Variants in MBTPS1 observed in about 807,000 individuals in gnomAD.
MBTPS1 encodes the protein membrane-bound transcription factor site-1 protease.
Under a neutral mutation model 127.8 loss-of-function variants are expected in MBTPS1, and 94 were observed. That is an observed-to-expected ratio of 0.74 (90% confidence interval 0.62 to 0.87). The LOEUF (loss-of-function observed/expected upper bound fraction) is 0.87. MBTPS1 is among the 40% of genes least tolerant of loss of function. The pLI, the probability that MBTPS1 is intolerant of heterozygous loss-of-function variation, is 0.00. For missense variants in MBTPS1, 1,636 were observed against 1,353.2 expected (o/e 1.21, Z -3.28); for synonymous variants, 632 against 509.4 (o/e 1.24, Z -3.24).
intron 4 of MBTPS1, among the ~76,000 whole-genome samples, chr16:84,095,390 T>A (rs1305804693): frequency 6.6e-6 from 1 of 152,240 alleles, no homozygotes; most frequent in Non-Finnish European, 1.5e-5. Context: ...CAGAAACAGA[T>A]GCCTGGCATC....
intron 12 of MBTPS1, among the ~76,000 whole-genome samples, chr16:84,074,084 G>A (rs545670483): frequency 3.9e-5 from 6 of 152,280 alleles, no homozygotes; most frequent in African/African-American, 1.2e-4. Flanking sequence ...AAAATCAAAT[G>A]TAATTAGCTG....
Position 84,085,109 on chromosome 16 carries a change from A to G in MBTPS1, c.1160T>C (p.Met387Thr), listed in dbSNP as rs752390692. The change falls in exon 10 of 23, where the codon ATG becomes ACG. Residue 387 changes from methionine (M) to threonine (T), a missense_variant. By Grantham distance (81) the Met-to-Thr change is moderately conservative. Transcript: ENST00000343411. ...TWELPGGYGR[M>T]KPDIVTYGAG... Reference sequence around the variant, plus strand: ...ACCATAGGTGACAATGTCAGGTTTCATGCGACCGTAGCCTCCTGGTAGCTC... The same window carrying G: ...ACCATAGGTGACAATGTCAGGTTTCGTGCGACCGTAGCCTCCTGGTAGCTC... 1.2e-6 allele frequency: 2 copies of G among 1,614,242 alleles called. No homozygotes were observed. Among genetic ancestry groups the G allele is most frequent in the South Asian group, 1.1e-5 (1 of 91,078 alleles).
At chr16:84,098,339 A>G (rs11860722) in intron 3 of MBTPS1, among the ~76,000 whole-genome samples, 43,838 of 152,128 alleles carry the variant, frequency 0.29, 6,460 homozygotes, top group African/African-American at 0.35. Flanking sequence ...GGCTGGGTGC[A>G]GTGACTCACG....
At chr16:84,096,951 T>C (rs1386877298) in intron 3 of MBTPS1, among the ~76,000 whole-genome samples, 1 of 152,148 alleles carries the variant, frequency 6.6e-6, no homozygotes, top group African/African-American at 2.4e-5. Context: ...TTTCAAACAA[T>C]TTAGAAAAAT....
intron 1 of MBTPS1, among the ~76,000 whole-genome samples, chr16:84,106,713 G>A (rs868267691): frequency 7.2e-5 from 11 of 152,198 alleles, no homozygotes; most frequent in Admixed American, 3.3e-4. Context: ...TAGCCAGATC[G>A]CTCTGGCTTC....
rs1483739652 is a variant in MBTPS1, at chr16:84,055,076, A to G, written c.2963-431T>C. Among the ~76,000 whole-genome samples the G allele has an allele frequency of 3.9e-5, 6 of 152,212 alleles. No homozygotes were observed. In the East Asian group the frequency reaches 1.2e-3, roughly 29 times the overall value. The stretch of plus-strand genomic sequence containing the variant: ...AGGAGGAGAAAGGGGGCGTGGCGGA[A>G]GAAGCACCGCTGGCAGTGCCCCGCC... On this transcript the variant is annotated intron_variant, in intron 22 of 22. Transcript: ENST00000343411.
chr16:84,087,028 C>A (rs2086038147), intron 9 of MBTPS1, among the ~76,000 whole-genome samples: 1 of 152,160 alleles, frequency 6.6e-6, no homozygotes, highest in South Asian at 2.1e-4. Context: ...CTTACCACTA[C>A]TAGATAGGGT....
In MBTPS1 at chr16:84,082,350, T is replaced by C. The variant is rs11867040; in HGVS notation, c.1287-442A>G. 4.2e-3 allele frequency among the ~76,000 whole-genome samples: 635 copies of C among 152,162 alleles called. 3 individuals carry two copies. Among genetic ancestry groups the C allele is most frequent in the African/African-American group, 0.014 (599 of 41,496 alleles). ...ACACAGGACTAGCAGGAGGCACAGG[T>C]CTGAGTGAGGACCGCCGCCTCCAAA... On this transcript the variant is annotated intron_variant, in intron 10 of 22. Transcript: ENST00000343411.
intron 19 of MBTPS1, among the ~76,000 whole-genome samples, chr16:84,062,635 A>C (rs1030170605): frequency 6.6e-6 from 1 of 152,102 alleles, no homozygotes; most frequent in Non-Finnish European, 1.5e-5. Flanking sequence ...TGTCATTATC[A>C]TCTCACCAGG....
At chr16:84,066,648 G>T in intron 16 of MBTPS1, 35 bp from the exon 17 acceptor site, 3 of 1,609,480 alleles carry the variant, frequency 1.9e-6, no homozygotes, top group South Asian at 1.1e-5. Flanking sequence ...AGGGAACAGG[G>T]AATGAAGACA....
rs1388798958 is a variant in MBTPS1 at position 84,090,650 on chromosome 16, TAGAA to T, written c.1031+221_1031+224del. 3.3e-5 allele frequency among the ~76,000 whole-genome samples: 5 copies of T among 152,272 alleles called. No individual in the cohort carries two copies. The South Asian group carries it at 6.2e-4, about 19-fold the overall frequency. On this transcript the variant is annotated intron_variant, in intron 8 of 22. Transcript: ENST00000343411. ...TAACAAAATTTTAAAAATATATAAA[TAGAA>T]GGAAGACCGGCCTTGAGGTGACAAC... is the stretch of plus-strand genomic sequence containing the variant.
At position 84,101,610 on chromosome 16, in the gene MBTPS1, A is replaced by G; in HGVS notation, c.163+11T>C. 2 of 1,602,394 alleles carry G rather than the reference A, an allele frequency of 1.2e-6. No homozygotes were observed. The highest frequency in any genetic ancestry group is 1.7e-6 in the Non-Finnish European group (2 of 1,172,822). ...GATGGGAGTTCCTAATACTTAAGAC[A>G]ACATCATTACCATATTCCACAACTG... On this transcript the variant is annotated intron_variant, in intron 2 of 22. Transcript: ENST00000343411.
At chr16:84,093,572 A>C (rs1288535709) in intron 5 of MBTPS1, 139 bp downstream of exon 5, 1 of 697,438 alleles carries the variant, frequency 1.4e-6, no homozygotes, top group Admixed American at 2.2e-5. Context: ...TGAGGTATTC[A>C]GAGCAGTTTC....
intron 3 of MBTPS1, 68 bp downstream of exon 3, chr16:84,098,985 C>G: frequency 6.9e-7 from 1 of 1,448,478 alleles, no homozygotes; most frequent in Non-Finnish European, 9.6e-7. Context: ...TATTTTTCAA[C>G]TACTCTGCAG....
intron 3 of MBTPS1, among the ~76,000 whole-genome samples, 198 bp from the exon 4 acceptor site, chr16:84,096,003 T>C (rs995221704): frequency 6.6e-6 from 1 of 152,112 alleles, no homozygotes; most frequent in Non-Finnish European, 1.5e-5. Flanking sequence ...GTCATATTAC[T>C]CCCAAATAGT....
intron 19 of MBTPS1, 75 bp downstream of exon 19, chr16:84,063,230 G>T (rs940491978): frequency 2.3e-5 from 34 of 1,502,322 alleles, no homozygotes; most frequent in Non-Finnish European, 3.1e-5. Flanking sequence ...AGCATCTCAC[G>T]GGCGCCTTTC....
intron 17 of MBTPS1, among the ~76,000 whole-genome samples, 184 bp from the exon 18 acceptor site, chr16:84,065,951 C>G (rs1034580400): frequency 6.6e-6 from 1 of 152,054 alleles, no homozygotes; most frequent in African/African-American, 2.4e-5. Context: ...CCTCAAAATT[C>G]AAGTAAAAAA....
chr16:84,099,582 G>A (rs2086226526), intron 2 of MBTPS1, among the ~76,000 whole-genome samples: 1 of 151,998 alleles, frequency 6.6e-6, no homozygotes, highest in Non-Finnish European at 1.5e-5. Flanking sequence ...TGAGGAGTTT[G>A]AGACCAGCCT....
intron 4 of MBTPS1, 148 bp downstream of exon 4, chr16:84,095,454 G>A (rs774701915): frequency 7.0e-5 from 52 of 740,758 alleles, no homozygotes; most frequent in Non-Finnish European, 1.1e-4. Flanking sequence ...CAAATAGTAA[G>A]AAGGTTAGAT....
Sources: allele counts gnomAD v4.1 joint callset (sites outside exome capture counted in the v4.1 genomes callset), GRCh38; gene constraint gnomAD v4.1.1; transcripts MANE v1.5; gene names NCBI Gene and HGNC (gene_info 2026-07-23, HGNC 2026-07-21).